DNAJB12: variants seen among roughly 807,000 people sequenced by gnomAD.
DNAJB12 encodes dnaJ homolog subfamily B member 12.
Under a neutral mutation model 40.6 loss-of-function variants are expected in DNAJB12, and 14 were observed. That is an observed-to-expected ratio of 0.34 (90% CI 0.23 to 0.54). The LOEUF (loss-of-function observed/expected upper bound fraction) is 0.54. DNAJB12 is among the 20% of genes least tolerant of loss of function. DNAJB12 has a pLI of 0.92. For synonymous variants in DNAJB12, 181 were observed against 199.5 expected, an observed-to-expected ratio of 0.91 and a Z score of 0.78; for missense variants, 444 against 501.7, an observed-to-expected ratio of 0.89 and a Z score of 1.10.
Position 72,343,357 on chromosome 10 carries a change from C to T in DNAJB12, c.457+9G>A. 28 of 1,611,630 alleles carry T rather than the reference C, an allele frequency of 1.7e-5. No homozygotes were observed. The highest frequency in any genetic ancestry group is 2.4e-5 in the Non-Finnish European group (28 of 1,178,776). Reference sequence around the variant, plus strand: ...ACACCAAAATGCTAGGAAAGCAGGGCTGGCTTACCTTTGAAGGCTTCAGTG... The same window carrying T: ...ACACCAAAATGCTAGGAAAGCAGGGTTGGCTTACCTTTGAAGGCTTCAGTG... On this transcript the variant is annotated intron_variant, in intron 3 of 8. Transcript: ENST00000444643.
At chr10:72,353,405 C>A (rs1025765768) in intron 1 of DNAJB12, 7 of 152,324 alleles carry the variant, frequency 4.6e-5, no homozygotes, top group African/African-American at 1.7e-4. Flanking sequence ...GGCCAAAGAT[C>A]AACCTGCAAG....
intron 6 of DNAJB12, 45 bp from the exon 7 acceptor site, chr10:72,336,741 C>G: frequency 6.4e-7 from 1 of 1,572,930 alleles, no homozygotes; most frequent in Non-Finnish European, 8.7e-7. Flanking sequence ...GTCCCCATGC[C>G]CAGGGCACTC....
intron 5 of DNAJB12, among the ~76,000 whole-genome samples, chr10:72,340,053 TTCTC>T (rs1470723255): frequency 1.3e-5 from 2 of 152,176 alleles, no homozygotes; most frequent in Admixed American, 1.3e-4. Flanking sequence ...TCCTTTAAAA[TTCTC>T]TCAGTGGCAG....
At chr10:72,338,110 G>T in intron 6 of DNAJB12, 92 bp downstream of exon 6, 1 of 1,077,274 alleles carries the variant, frequency 9.3e-7, no homozygotes, top group Non-Finnish European at 1.4e-6. Context: ...ATCGCACACT[G>T]GCTGGATCAG....
At chr10:72,341,598 G>A (rs1242426459) in intron 3 of DNAJB12, among the ~76,000 whole-genome samples, 1 of 152,118 alleles carries the variant, frequency 6.6e-6, no homozygotes, top group Non-Finnish European at 1.5e-5. Flanking sequence ...AGCCTCCTGA[G>A]TAGCTGGGAC....
At position 72,333,304 on chromosome 10, in the gene DNAJB12, G is replaced by C. The variant is rs957195676; in HGVS notation, c.*1344C>G. ...CATGGTCATTCCAGAAGGCCCAGGA[G>C]AAACTGTGGGAATAAATAAAACCTC... On this transcript the variant is annotated 3_prime_UTR_variant, in exon 9 of 9. Coordinates refer to ENST00000444643, the MANE Select transcript of DNAJB12 (RefSeq NM_017626.7). The C allele has an allele frequency of 6.6e-6, 1 of 152,212 alleles. No homozygotes were observed. Among genetic ancestry groups the C allele is most frequent in the South Asian group, 2.1e-4 (1 of 4,830 alleles). 9.4% of individuals were successfully genotyped at this position (152,212 alleles called of 1,614,324 possible).
intron 6 of DNAJB12, among the ~76,000 whole-genome samples, chr10:72,337,961 A>G (rs1348512712): frequency 2.0e-5 from 3 of 152,176 alleles, no homozygotes; most frequent in African/African-American, 4.8e-5. Flanking sequence ...GTGTGTGCAC[A>G]TGTGTGCATA....
At chr10:72,347,676 G>A (rs1861827594) in intron 1 of DNAJB12, among the ~76,000 whole-genome samples, 1 of 152,202 alleles carries the variant, frequency 6.6e-6, no homozygotes, top group Non-Finnish European at 1.5e-5. Context: ...AACACTTTGG[G>A]AGGCCGAGGC....
intron 3 of DNAJB12, among the ~76,000 whole-genome samples, chr10:72,342,553 C>A (rs949432680): frequency 6.6e-6 from 1 of 152,186 alleles, no homozygotes; most frequent in East Asian, 1.9e-4. Context: ...CACCAGGTCT[C>A]GGAGTCTCCT....
chr10:72,348,852 T>C (rs1414000604), intron 1 of DNAJB12, among the ~76,000 whole-genome samples: 1 of 152,220 alleles, frequency 6.6e-6, no homozygotes, highest in Non-Finnish European at 1.5e-5. Flanking sequence ...TTAGCTCATT[T>C]AATTGTCACA....
At chr10:72,344,319 C>T (rs973020048) in intron 2 of DNAJB12, among the ~76,000 whole-genome samples, 3 of 152,250 alleles carry the variant, frequency 2.0e-5, no homozygotes, top group Admixed American at 6.5e-5. Flanking sequence ...CTCAGTCTCA[C>T]ACAGGCGGCC....
chr10:72,337,243 C>T lies in DNAJB12; in HGVS notation c.834-547G>A, dbSNP rs534952372. On this transcript the variant is annotated intron_variant, in intron 6 of 8. Transcript: ENST00000444643. The stretch of plus-strand genomic sequence containing the variant: ...ACAGTCCCTGCCCTAGTCCTCTGCT[C>T]CTCACATCTCTCCAGTTGCAGGGAA... Among the ~76,000 whole-genome samples, 5 of 152,374 alleles carry T rather than the reference C, an allele frequency of 3.3e-5. No homozygotes were observed. The South Asian group carries it at 1.0e-3, about 32-fold the overall frequency.
In DNAJB12 at chr10:72,342,351, T is replaced by C. The variant is rs1014170268; in HGVS notation, c.457+1015A>G. Among the ~76,000 whole-genome samples the C allele has an allele frequency of 1.6e-4, 24 of 152,348 alleles. No individual in the cohort carries two copies. The East Asian group carries it at 4.6e-3, about 29-fold the overall frequency. On this transcript the variant is annotated intron_variant, in intron 3 of 8. Transcript: ENST00000444643. ...TCCAAGCCACATCTGATTCCCATCCTGAAACCCCCGGGAATAAGGAGCGCG... is the reference window on the plus strand; with the variant it reads ...TCCAAGCCACATCTGATTCCCATCCCGAAACCCCCGGGAATAAGGAGCGCG...
At position 72,337,228 on chromosome 10, in the gene DNAJB12, C is replaced by T. The variant is rs574699306; in HGVS notation, c.834-532G>A. On this transcript the variant is annotated intron_variant, in intron 6 of 8. Transcript: ENST00000444643. ...AGTGCTCTGGGGACAACAGTCCCTGCCCTAGTCCTCTGCTCCTCACATCTC... is the reference window on the plus strand; with the variant it reads ...AGTGCTCTGGGGACAACAGTCCCTGTCCTAGTCCTCTGCTCCTCACATCTC... Among the ~76,000 whole-genome samples the T allele has an allele frequency of 5.9e-5, 9 of 152,358 alleles. No homozygotes were observed. In the East Asian group the frequency reaches 1.5e-3, roughly 26 times the overall value.
intron 8 of DNAJB12, 88 bp from the exon 9 acceptor site, chr10:72,334,705 C>T: frequency 2.1e-6 from 3 of 1,445,072 alleles, no homozygotes; most frequent in Non-Finnish European, 9.0e-7. Flanking sequence ...CCCCTTGCCA[C>T]TGCACCGCTG....
At chr10:72,352,672 C>A (rs1164523625) in intron 1 of DNAJB12, among the ~76,000 whole-genome samples, 1 of 152,108 alleles carries the variant, frequency 6.6e-6, no homozygotes, top group South Asian at 2.1e-4. Flanking sequence ...ACAGTTCTGT[C>A]TTGTAATATT....
intron 6 of DNAJB12, among the ~76,000 whole-genome samples, chr10:72,337,509 A>G (rs1444197877): frequency 6.6e-6 from 1 of 152,020 alleles, no homozygotes; most frequent in Non-Finnish European, 1.5e-5. Context: ...CCTCAAGTTC[A>G]CTCCTGGCAG....
In DNAJB12 at chr10:72,345,182, C is replaced by T. The variant is rs910320366; in HGVS notation, c.134-55G>A. On this transcript the variant is annotated intron_variant, in intron 1 of 8. Transcript: ENST00000444643. ...TCCTGCTCAAGCAGGCTGCGTGCCTCGCCGAGCGGCCCGCTGCTTCCCACT... is the reference window on the plus strand; with the variant it reads ...TCCTGCTCAAGCAGGCTGCGTGCCTTGCCGAGCGGCCCGCTGCTTCCCACT... 14 of 1,546,804 alleles carry T rather than the reference C, an allele frequency of 9.1e-6. No individual in the cohort carries two copies. In the African/African-American group the frequency reaches 1.1e-4, roughly 12 times the overall value.
At chr10:72,348,602 T>C (rs571339793) in intron 1 of DNAJB12, among the ~76,000 whole-genome samples, 1 of 152,232 alleles carries the variant, frequency 6.6e-6, no homozygotes, top group Non-Finnish European at 1.5e-5. Context: ...GAACAGAGTA[T>C]GGGGCTCCAG....
Sources: gnomAD v4.1 joint callset for allele counts (sites outside exome capture counted in the v4.1 genomes callset) on GRCh38, gnomAD v4.1.1 for gene constraint, MANE v1.5 for transcripts, NCBI Gene and HGNC (gene_info 2026-07-23, HGNC 2026-07-21) for gene names.